CASR: variants seen among roughly 807,000 people sequenced by gnomAD.
CASR encodes calcium sensing receptor.
Under a neutral mutation model 69.1 loss-of-function variants are expected in CASR, and 23 were observed. The observed-to-expected ratio is 0.33, with a 90% CI of 0.24 to 0.47. The LOEUF is 0.47. CASR is among the 20% of genes least tolerant of loss of function. The pLI is 1.00. For missense variants in CASR, 924 were observed against 1,356.1 expected (o/e 0.68, Z 5.00); for synonymous variants, 541 against 544.7 (o/e 0.99, Z 0.10).
chr3:122,249,005 G>A (rs1029871878), intron 1 of CASR, among the ~76,000 whole-genome samples: 2 of 152,226 alleles, frequency 1.3e-5, no homozygotes, highest in Non-Finnish European at 2.9e-5. Context: ...CTATGATCAT[G>A]GAGAAGCCTC....
At chr3:122,276,394 C>T (rs1183539108) in intron 5 of CASR, among the ~76,000 whole-genome samples, 3 of 152,154 alleles carry the variant, frequency 2.0e-5, no homozygotes, top group South Asian at 2.1e-4. Context: ...GCTCTCAGCT[C>T]GGCCAAGGGC....
rs1180570712 is a variant in CASR at position 122,291,074 on chromosome 3, G to T, written c.*5883G>T. The T allele has an allele frequency of 6.9e-6, 1 of 145,768 alleles. No individual in the cohort carries two copies. 9.0% of individuals were successfully genotyped at this position (145,768 alleles called of 1,614,324 possible). A position where few individuals can be genotyped will look rare whatever the true frequency, so the allele number is the denominator to read the frequency against. ...GGACACGAACTCCTCATTTTTTATG[G>T]CTGCATAGTATTCCATGGTGTATAT... On this transcript the variant is annotated 3_prime_UTR_variant, in exon 7 of 7. Transcript: ENST00000639785.
In CASR at chr3:122,284,864, C is replaced by G; in HGVS notation, c.2910C>G (p.Ser970Arg). ...PRCKQKVIFGSGTVTFSLSFD... is the reference protein window; with the variant it reads ...PRCKQKVIFGRGTVTFSLSFD... ...GCAAGCAGAAGGTCATCTTTGGCAG[C>G]GGCACGGTCACCTTCTCACTGAGCT... is the stretch of plus-strand genomic sequence containing the variant. Residue 970 changes from serine to arginine, a missense_variant, in exon 7 of 7, where the codon AGC (serine) becomes AGG (arginine). This residue lies in a region of CASR where 201 missense variants were observed against 228.8 expected (regional missense o/e 0.88). Coordinates refer to ENST00000639785, the MANE Select transcript of CASR (RefSeq NM_000388.4). 1 of 1,614,184 alleles carries G rather than the reference C, an allele frequency of 6.2e-7. No individual in the cohort carries two copies.
rs183617873 is a variant in CASR at position 122,194,424 on chromosome 3, C to A, written c.-243+10612C>A. Among the ~76,000 whole-genome samples the A allele has an allele frequency of 1.3e-3, 193 of 152,198 alleles. 4 individuals carry two copies. The Middle Eastern group carries it at 0.02, about 16-fold the overall frequency. ...GGACTGATTGCCTCCTTCACCCCCG[C>A]ACTTTCTACTCTTCTTCCTTCCTGT... On this transcript the variant is annotated intron_variant, in intron 1 of 6. Transcript: ENST00000639785.
In CASR at chr3:122,291,562, T is replaced by G. The variant is rs1321153217; in HGVS notation, c.*6371T>G. 3 of 152,192 alleles carry G rather than the reference T, an allele frequency of 2.0e-5. No individual in the cohort carries two copies. The highest frequency in any genetic ancestry group is 4.4e-5 in the Non-Finnish European group (3 of 68,032). 9.4% of individuals were successfully genotyped at this position (152,192 alleles called of 1,614,324 possible). A position where few individuals can be genotyped will look rare whatever the true frequency, so the allele number is the denominator to read the frequency against. ...TCTGCTTCTTTAGGATTTTCTAAAT[T>G]TTTCCCAAGTTTTGTATATTAAGCA... On this transcript the variant is annotated 3_prime_UTR_variant, in exon 7 of 7. Transcript: ENST00000639785.
intron 1 of CASR, among the ~76,000 whole-genome samples, chr3:122,206,442 A>G (rs900923951): frequency 3.9e-5 from 6 of 151,996 alleles, no homozygotes; most frequent in Non-Finnish European, 7.4e-5. Context: ...ATCATGGTGA[A>G]TGATTTTTTT....
intron 5 of CASR, among the ~76,000 whole-genome samples, chr3:122,281,884 G>C (rs530482934): frequency 6.6e-6 from 1 of 152,136 alleles, no homozygotes; most frequent in South Asian, 2.1e-4. Context: ...ATGCACATGT[G>C]TGTGTGTGTG....
In CASR at chr3:122,260,972, G is replaced by A. The variant is rs931223852; in HGVS notation, c.493-556G>A. ...GGAAGAGAGAAATTAGGCAGAATAA[G>A]AAAAGGGAATTCCCGGGGACTCCTC... On this transcript the variant is annotated intron_variant, in intron 3 of 6. Coordinates refer to ENST00000639785, the MANE Select transcript of CASR (RefSeq NM_000388.4). 2.9e-4 allele frequency among the ~76,000 whole-genome samples: 44 copies of A among 152,268 alleles called. 2 individuals are homozygous for A. The highest frequency in any genetic ancestry group is 6.5e-5 in the Admixed American group (1 of 15,296).
At chr3:122,279,037 T>TTG (rs2074855782) in intron 5 of CASR, among the ~76,000 whole-genome samples, 1 of 152,218 alleles carries the variant, frequency 6.6e-6, no homozygotes, top group Admixed American at 6.5e-5. Flanking sequence ...AGTGGCAGTG[T>TTG]TGTGGGATGG....
At position 122,285,257 on chromosome 3, in the gene CASR, A is replaced by G; in HGVS notation, c.*66A>G. The G allele has an allele frequency of 7.1e-7, 1 of 1,417,144 alleles. No individual in the cohort carries two copies. The highest frequency in any genetic ancestry group is 1.0e-6 in the Non-Finnish European group (1 of 1,004,314). 87.8% of individuals were successfully genotyped at this position (1,417,144 alleles called of 1,614,324 possible). A position where few individuals can be genotyped will look rare whatever the true frequency, so the allele number is the denominator to read the frequency against. On this transcript the variant is annotated 3_prime_UTR_variant, in exon 7 of 7. Coordinates refer to ENST00000639785, the MANE Select transcript of CASR (RefSeq NM_000388.4). ...TTTCTTGGGGTCCCAGGGAAGAGGA[A>G]TCGCCCCAGACTCCTTTCCTCTGAG... is the stretch of plus-strand genomic sequence containing the variant.
At chr3:122,198,900 T>G (rs2073915916) in intron 1 of CASR, among the ~76,000 whole-genome samples, 1 of 152,058 alleles carries the variant, frequency 6.6e-6, no homozygotes, top group African/African-American at 2.4e-5. Context: ...ATTCCCAAAT[T>G]CAGCTTAAGA....
intron 1 of CASR, among the ~76,000 whole-genome samples, chr3:122,227,712 G>A (rs553728904): frequency 2.0e-4 from 31 of 152,234 alleles, no homozygotes; most frequent in East Asian, 3.9e-4. Context: ...TGAGGGCTGC[G>A]AGGGCTGCCA....
intron 1 of CASR, among the ~76,000 whole-genome samples, chr3:122,195,781 C>G (rs2073883547): frequency 6.6e-6 from 1 of 152,050 alleles, no homozygotes; most frequent in South Asian, 2.1e-4. Flanking sequence ...ATTCCAAAGC[C>G]CATAGTCAAA....
intron 4 of CASR, among the ~76,000 whole-genome samples, chr3:122,271,641 G>A (rs777014521): frequency 1.3e-5 from 2 of 152,146 alleles, no homozygotes; most frequent in Non-Finnish European, 2.9e-5. Context: ...GTCATTTAAA[G>A]TATACAATTA....
At chr3:122,204,795 A>G (rs574022964) in intron 1 of CASR, among the ~76,000 whole-genome samples, 2 of 152,212 alleles carry the variant, frequency 1.3e-5, no homozygotes, top group Admixed American at 1.3e-4. Flanking sequence ...ATATCATGTT[A>G]TAGTATGATT....
intron 1 of CASR, among the ~76,000 whole-genome samples, chr3:122,252,370 G>A (rs796390549): frequency 1.0e-3 from 31 of 29,700 alleles, no homozygotes; most frequent in South Asian, 5.4e-3. Flanking sequence ...AAAGAAGGAA[G>A]GAAGGAAGGA....
intron 1 of CASR, among the ~76,000 whole-genome samples, chr3:122,184,046 CG>C (rs2073748337): frequency 3.3e-5 from 5 of 152,078 alleles, no homozygotes; most frequent in Admixed American, 2.6e-4. Context: ...GACCTAAGCG[CG>C]GGGCTCGCCG....
rs1023418342 is a variant in CASR at position 122,288,895 on chromosome 3, G to C, written c.*3704G>C. On this transcript the variant is annotated 3_prime_UTR_variant, in exon 7 of 7. Transcript: ENST00000639785. Reference sequence around the variant, plus strand: ...TAAAAAGATTTTCACTCAAATGAAAGTGTCCTAGAAGATTTTAAGAATTTA... The same window carrying C: ...TAAAAAGATTTTCACTCAAATGAAACTGTCCTAGAAGATTTTAAGAATTTA... 1.3e-5 allele frequency: 2 copies of C among 152,132 alleles called. No individual in the cohort carries two copies. Among genetic ancestry groups the C allele is most frequent in the Non-Finnish European group, 2.9e-5 (2 of 68,014 alleles). The allele number at this position is 152,132 out of a possible 1,614,324, so 9.4% of individuals were successfully genotyped here. A position where few individuals can be genotyped will look rare whatever the true frequency, so the allele number is the denominator to read the frequency against.
At chr3:122,234,092 C>T (rs1439832157) in intron 1 of CASR, among the ~76,000 whole-genome samples, 1 of 152,174 alleles carries the variant, frequency 6.6e-6, no homozygotes, top group African/African-American at 2.4e-5. Context: ...TCACATCAGG[C>T]GCATAACTGT....
Sources: allele counts gnomAD v4.1 joint callset (sites outside exome capture counted in the v4.1 genomes callset), GRCh38; gene constraint gnomAD v4.1.1; regional missense constraint gnomAD v4.1.1; transcripts MANE v1.5; gene names NCBI Gene and HGNC (gene_info 2026-07-23, HGNC 2026-07-21).